RAB11FIP3: variants seen among roughly 807,000 people sequenced by gnomAD.
RAB11FIP3 encodes the protein RAB11 family interacting protein 3.
RAB11FIP3 carries 17 observed loss-of-function variants against 77.8 expected under a neutral mutation model. That is an observed-to-expected ratio of 0.22 (90% CI 0.15 to 0.33). The LOEUF (loss-of-function observed/expected upper bound fraction) is 0.33, where lower values mean the gene tolerates loss of function less well. Among genes scored for constraint, RAB11FIP3 ranks in the 10% least tolerant of loss-of-function variants. The pLI is 1.00. For synonymous variants in RAB11FIP3, 437 were observed against 448.2 expected, an observed-to-expected ratio of 0.98 and a Z score of 0.31; for missense variants, 1,005 against 1,011.2, an observed-to-expected ratio of 0.99 and a Z score of 0.08.
At chr16:444,294 G>A (rs1234373282) in intron 1 of RAB11FIP3, among the ~76,000 whole-genome samples, 1 of 152,160 alleles carries the variant, frequency 6.6e-6, no homozygotes, top group African/African-American at 2.4e-5. Context: ...CTTTGTTCCG[G>A]TGTGACGTTC....
At position 506,708 on chromosome 16, in the gene RAB11FIP3, AACTTGC is replaced by A. The variant is rs1392961871; in HGVS notation, c.1499+1084_1499+1089del. 6.6e-6 allele frequency among the ~76,000 whole-genome samples: 1 copy of A among 152,234 alleles called. No homozygotes were observed. The highest frequency in any genetic ancestry group is 2.4e-5 in the African/African-American group (1 of 41,458). On this transcript the variant is annotated intron_variant, in intron 8 of 13. Transcript: ENST00000262305. The surrounding 1 kb of genome is among the most constrained non-coding windows in gnomAD (Gnocchi z 4.5). ...GAATGCCTCATGGGATTGTGGGCAT[AACTTGC>A]ACATCATTTTAATTCTAACAAAGCA...
intron 4 of RAB11FIP3, among the ~76,000 whole-genome samples, chr16:486,712 C>T (rs1365016457): frequency 2.6e-5 from 4 of 152,108 alleles, no homozygotes; most frequent in South Asian, 4.1e-4. Flanking sequence ...TCTCTGTTCC[C>T]GTCAAGCATC....
intron 6 of RAB11FIP3, among the ~76,000 whole-genome samples, chr16:501,972 A>G (rs1249360764): frequency 6.6e-6 from 1 of 151,392 alleles, no homozygotes; most frequent in Admixed American, 6.6e-5. Flanking sequence ...TTCATAGGCA[A>G]GGAGGCTGGG....
rs2032635412 is a variant in RAB11FIP3, at chr16:520,500, G to A, written c.2058G>A (p.Gly686=). The change falls in exon 13 of 14, where the codon GGG becomes GGA. Residue 686 remains glycine, a synonymous_variant. Coordinates refer to ENST00000262305, the MANE Select transcript of RAB11FIP3 (RefSeq NM_014700.4). ...AGGAGCAGAACGAGGAGCTGAACGG[G>A]CAGATCATTACCCTCAGCATCCAGG... ...NLKEQNEELN[G]QIITLSIQGA... 4 of 1,613,680 alleles carry A rather than the reference G, an allele frequency of 2.5e-6. No homozygotes were observed. Among genetic ancestry groups the A allele is most frequent in the Non-Finnish European group, 3.4e-6 (4 of 1,180,026 alleles).
chr16:488,236 C>T (rs907694575), intron 4 of RAB11FIP3, among the ~76,000 whole-genome samples: 48 of 152,036 alleles, frequency 3.2e-4, no homozygotes, highest in Non-Finnish European at 5.0e-4. Flanking sequence ...AAAAATTAGC[C>T]GGGCGTGGTG....
intron 3 of RAB11FIP3, among the ~76,000 whole-genome samples, chr16:478,541 T>A (rs964122491): frequency 1.3e-5 from 2 of 152,200 alleles, no homozygotes; most frequent in African/African-American, 4.8e-5. Context: ...GGGCATCTTT[T>A]TCTGCTGGGA....
At chr16:518,075 G>A (rs1284210406) in intron 9 of RAB11FIP3, among the ~76,000 whole-genome samples, 1 of 152,130 alleles carries the variant, frequency 6.6e-6, no homozygotes, top group African/African-American at 2.4e-5. Context: ...GAGTGAGACT[G>A]TCTCAAAATA....
chr16:462,139 G>A (rs1034125185), intron 2 of RAB11FIP3, among the ~76,000 whole-genome samples: 2 of 152,180 alleles, frequency 1.3e-5, no homozygotes, highest in African/African-American at 4.8e-5. Context: ...TGTGGGTGCC[G>A]CATACCCCTC....
At chr16:429,504 T>C (rs2055001929) in intron 1 of RAB11FIP3, among the ~76,000 whole-genome samples, 1 of 151,944 alleles carries the variant, frequency 6.6e-6, no homozygotes, top group Admixed American at 6.6e-5. Context: ...CTTAATTTTT[T>C]TTTTTTTTTG....
chr16:516,970 T>C (rs897588343), intron 9 of RAB11FIP3, among the ~76,000 whole-genome samples: 3 of 152,218 alleles, frequency 2.0e-5, no homozygotes, highest in African/African-American at 7.2e-5. Context: ...GTGAGCGGCT[T>C]CCAGAGGACA....
chr16:471,164 C>T lies in RAB11FIP3; in HGVS notation c.809-131C>T, dbSNP rs549937611. ...GCTCACTCCCTTGCTTGTCTTGACCCCCCCCAGGGCCCCCAACTCCCACAC... is the reference window on the plus strand; with the variant it reads ...GCTCACTCCCTTGCTTGTCTTGACCTCCCCCAGGGCCCCCAACTCCCACAC... On this transcript the variant is annotated intron_variant, in intron 2 of 13. Transcript: ENST00000262305. The surrounding 1 kb of genome is among the most constrained non-coding windows in gnomAD (Gnocchi z 4.4). 5.6e-6 allele frequency: 4 copies of T among 709,496 alleles called. No individual in the cohort carries two copies. The highest frequency in any genetic ancestry group is 5.3e-5 in the African/African-American group (3 of 56,168). The allele number at this position is 709,496 out of a possible 1,614,324, so 44.0% of individuals were successfully genotyped here.
chr16:446,661 T>C (rs1366482209), intron 1 of RAB11FIP3, among the ~76,000 whole-genome samples: 1 of 152,220 alleles, frequency 6.6e-6, no homozygotes, highest in Non-Finnish European at 1.5e-5. Flanking sequence ...TGAGGACTTA[T>C]TTCCATATAG....
intron 8 of RAB11FIP3, among the ~76,000 whole-genome samples, chr16:508,133 G>A (rs1032422997): frequency 7.9e-5 from 12 of 152,216 alleles, no homozygotes; most frequent in Admixed American, 7.9e-4. Context: ...GTGTGGAAGT[G>A]CTTTTTCCTC....
chr16:441,872 T>C lies in RAB11FIP3; in HGVS notation c.714+15152T>C, dbSNP rs2055232640. On this transcript the variant is annotated intron_variant, in intron 1 of 13. Coordinates refer to ENST00000262305, the MANE Select transcript of RAB11FIP3 (RefSeq NM_014700.4). ...TGTTTGTTTTGAGACGGAGTCTCGC[T>C]CTCTCGTCCAGGCTGGAGTGCAGTG... Among the ~76,000 whole-genome samples, 3 of 152,218 alleles carry C rather than the reference T, an allele frequency of 2.0e-5. No homozygotes were observed. The South Asian group carries it at 6.2e-4, about 31-fold the overall frequency.
chr16:431,256 T>A (rs969756911), intron 1 of RAB11FIP3, among the ~76,000 whole-genome samples: 1 of 152,162 alleles, frequency 6.6e-6, no homozygotes, highest in Non-Finnish European at 1.5e-5. Flanking sequence ...GTATTCTGGG[T>A]CTACATGCTG....
At chr16:499,138 G>A (rs1249888649) in intron 6 of RAB11FIP3, among the ~76,000 whole-genome samples, 1 of 152,156 alleles carries the variant, frequency 6.6e-6, no homozygotes, top group Non-Finnish European at 1.5e-5. Context: ...CCTGAACCCT[G>A]GAGGCGGAGC....
Position 514,879 on chromosome 16 carries a change from C to T in RAB11FIP3, c.1641-4064C>T, listed in dbSNP as rs2032332436. ...TTGGGGTACATGGCCCATCATCAGG[C>T]ACAGAGTGAACTGGGTGAACGTGGC... is the stretch of plus-strand genomic sequence containing the variant. On this transcript the variant is annotated intron_variant, in intron 9 of 13. Coordinates refer to ENST00000262305, the MANE Select transcript of RAB11FIP3 (RefSeq NM_014700.4). This position sits in a 1 kb window ranked among gnomAD's most constrained non-coding sequence, Gnocchi z 4.6. 6.6e-6 allele frequency among the ~76,000 whole-genome samples: 1 copy of T among 152,232 alleles called. No homozygotes were observed. Among genetic ancestry groups the T allele is most frequent in the Non-Finnish European group, 1.5e-5 (1 of 68,038 alleles).
chr16:479,421 A>G (rs2055988086), intron 3 of RAB11FIP3, among the ~76,000 whole-genome samples: 2 of 151,998 alleles, frequency 1.3e-5, no homozygotes, highest in Non-Finnish European at 2.9e-5. Context: ...AAACAGTAAA[A>G]ACAATTGGTT....
chr16:496,758 C>A, intron 5 of RAB11FIP3, 66 bp from the exon 6 acceptor site: 1 of 1,495,322 alleles, frequency 6.7e-7, no homozygotes, highest in Non-Finnish European at 9.3e-7. Flanking sequence ...GCCTGAGTTT[C>A]CTGCTTCCTC....
Sources: allele counts gnomAD v4.1 joint callset (sites outside exome capture counted in the v4.1 genomes callset), GRCh38; gene constraint gnomAD v4.1.1; non-coding constraint Gnocchi (gnomAD v3.1); transcripts MANE v1.5; gene names NCBI Gene and HGNC (gene_info 2026-07-23, HGNC 2026-07-21).